The following PRUNE1 variants were observed in gnomAD, a reference collection of about 807,000 sequenced individuals.
PRUNE1 encodes prune exopolyphosphatase 1.
In PRUNE1, 25 loss-of-function variants were observed where a neutral mutation model predicts 42.5. The observed-to-expected ratio is 0.59, with a 90% CI of 0.43 to 0.82. PRUNE1 has a LOEUF of 0.82. PRUNE1 is among the 40% of genes least tolerant of loss of function. The pLI, the probability that PRUNE1 is intolerant of heterozygous loss-of-function variation, is 0.00. For missense variants in PRUNE1, 443 were observed against 539.3 expected, an observed-to-expected ratio of 0.82 and a Z score of 1.77; for synonymous variants, 203 against 217.1, an observed-to-expected ratio of 0.93 and a Z score of 0.57.
At position 151,016,932 on chromosome 1, in the gene PRUNE1, G is replaced by A. The variant is rs587626360; in HGVS notation, c.40-880G>A. On this transcript the variant is annotated intron_variant, in intron 1 of 7. Transcript: ENST00000271620. ...TCCCAGCACTTTGGGAGGCCAAGGC[G>A]GGCGGATCACCTGAGGTCGGGAGTT... 6.6e-5 allele frequency among the ~76,000 whole-genome samples: 10 copies of A among 151,084 alleles called. No individual in the cohort carries two copies. In the South Asian group the frequency reaches 2.1e-3, roughly 32 times the overall value.
intron 1 of PRUNE1, among the ~76,000 whole-genome samples, chr1:151,014,911 G>T (rs1366986993): frequency 1.3e-5 from 2 of 152,212 alleles, no homozygotes; most frequent in Admixed American, 1.3e-4. Flanking sequence ...GAATTATCCG[G>T]CTGGGCATGG....
chr1:151,029,924 C>T (rs1047293502), intron 7 of PRUNE1, among the ~76,000 whole-genome samples: 2 of 152,136 alleles, frequency 1.3e-5, no homozygotes, highest in Non-Finnish European at 2.9e-5. Context: ...CTTCCTCCCC[C>T]TTCTGTTCCT....
intron 2 of PRUNE1, 93 bp downstream of exon 2, chr1:151,017,997 C>A (rs377295306): frequency 2.5e-6 from 2 of 789,046 alleles, no homozygotes; most frequent in Admixed American, 2.3e-5. Context: ...CAGCATTTAG[C>A]ATTGGGTAAA....
At chr1:151,031,194 T>TGTG (rs1383919694) in intron 7 of PRUNE1, among the ~76,000 whole-genome samples, 1,330 of 125,534 alleles carry the variant, frequency 0.011, 32 homozygotes, top group African/African-American at 0.042. Flanking sequence ...TGTGTGTGTG[T>TGTG]TTTTTTTTTT....
At chr1:151,030,262 C>CAAAA (rs779376441) in intron 7 of PRUNE1, among the ~76,000 whole-genome samples, 1 of 86,074 alleles carries the variant, frequency 1.2e-5, no homozygotes, top group Non-Finnish European at 2.6e-5. Flanking sequence ...ACTCCGTCTC[C>CAAAA]AAAAAAAAAA....
At chr1:151,011,524 G>T (rs1173257134) in intron 1 of PRUNE1, among the ~76,000 whole-genome samples, 1 of 152,104 alleles carries the variant, frequency 6.6e-6, no homozygotes, top group Admixed American at 6.6e-5. Context: ...TGCAGTCCTG[G>T]CATCAGTATT....
In PRUNE1 at chr1:151,009,071, C is replaced by G. The variant is rs587640277; in HGVS notation, c.39+400C>G. Among the ~76,000 whole-genome samples the G allele has an allele frequency of 3.9e-5, 6 of 152,262 alleles. No individual in the cohort carries two copies. In the South Asian group the frequency reaches 1.0e-3, roughly 26 times the overall value. On this transcript the variant is annotated intron_variant, in intron 1 of 7. Coordinates refer to ENST00000271620, the MANE Select transcript of PRUNE1 (RefSeq NM_021222.3). ...TCCCCGCCCCTCTTTGAGTTCTCCG[C>G]TCCCAAGGCTTCGCTTGGCCCACTG...
At chr1:151,029,012 A>G (rs1230700770) in intron 7 of PRUNE1, 68 bp downstream of exon 7, 1 of 1,484,486 alleles carries the variant, frequency 6.7e-7, no homozygotes, top group African/African-American at 1.4e-5. Context: ...TCTGTGCTCT[A>G]CAGCTGTCCT....
intron 3 of PRUNE1, among the ~76,000 whole-genome samples, chr1:151,020,843 A>T (rs1269172001): frequency 6.6e-6 from 1 of 151,774 alleles, no homozygotes; most frequent in South Asian, 2.1e-4. Context: ...TTAGCCGGGC[A>T]TGGTGGCGGA....
chr1:151,015,700 A>G (rs1049916117), intron 1 of PRUNE1, among the ~76,000 whole-genome samples: 1 of 150,424 alleles, frequency 6.6e-6, no homozygotes, highest in Non-Finnish European at 1.5e-5. Context: ...GCTACTCAGG[A>G]GGCTGAGATG....
intron 3 of PRUNE1, among the ~76,000 whole-genome samples, chr1:151,020,178 G>A (rs1476380728): frequency 7.0e-6 from 1 of 143,536 alleles, no homozygotes; most frequent in Non-Finnish European, 1.5e-5. Flanking sequence ...GCTCACGCCT[G>A]TAATCCCAGC....
intron 3 of PRUNE1, among the ~76,000 whole-genome samples, chr1:151,019,645 T>A (rs1674302157): frequency 6.6e-6 from 1 of 151,708 alleles, no homozygotes; most frequent in South Asian, 2.1e-4. Context: ...ATTTTTTTAC[T>A]TATTATTTAT....
intron 4 of PRUNE1, 150 bp from the exon 5 acceptor site, chr1:151,025,365 C>T (rs1180939684): frequency 2.8e-6 from 2 of 726,394 alleles, no homozygotes; most frequent in African/African-American, 3.7e-5. Context: ...TCTGAGGACA[C>T]TGTCCATCCC....
At chr1:151,010,208 C>T (rs1428010056) in intron 1 of PRUNE1, among the ~76,000 whole-genome samples, 1 of 151,920 alleles carries the variant, frequency 6.6e-6, no homozygotes, top group African/African-American at 2.4e-5. Flanking sequence ...CTCAGCCTCC[C>T]GAAAAAGCTG....
At chr1:151,020,865 C>G (rs1674379021) in intron 3 of PRUNE1, among the ~76,000 whole-genome samples, 1 of 151,834 alleles carries the variant, frequency 6.6e-6, no homozygotes, top group Non-Finnish European at 1.5e-5. Flanking sequence ...GCCGATAGTC[C>G]CAGCTACTCG....
chr1:151,018,704 G>A (rs970518498), intron 3 of PRUNE1, 35 bp downstream of exon 3: 9 of 1,573,160 alleles, frequency 5.7e-6, no homozygotes, highest in African/African-American at 4.1e-5. Context: ...TACCTATCAT[G>A]TACCATGCTG....
chr1:151,012,022 C>T (rs1673801815), intron 1 of PRUNE1, among the ~76,000 whole-genome samples: 2 of 152,058 alleles, frequency 1.3e-5, no homozygotes, highest in South Asian at 2.1e-4. Context: ...CGTGGTCGGC[C>T]CACCTCGGCC....
Position 151,034,043 on chromosome 1 carries a change from A to G in PRUNE1, c.1171A>G (p.Ser391Gly), listed in dbSNP as rs1558092871. 1.2e-6 allele frequency: 2 copies of G among 1,614,088 alleles called. No homozygotes were observed. Among genetic ancestry groups the G allele is most frequent in the African/African-American group, 2.7e-5 (2 of 74,944 alleles). ...EQVDKELDRA[S>G]NSLISGLSQD... ...AGTGGACAAGGAATTGGACAGGGCA[A>G]GTAACTCCCTGATTTCTGGCCTGAG... The change falls in exon 8 of 8, where the codon AGT becomes GGT. Residue 391 changes from serine (S) to glycine (G), a missense_variant. Transcript: ENST00000271620.
intron 1 of PRUNE1, among the ~76,000 whole-genome samples, chr1:151,010,690 T>C (rs1374786183): frequency 1.7e-4 from 25 of 144,468 alleles, no homozygotes; most frequent in African/African-American, 6.4e-4. Context: ...TTTTTTTTTT[T>C]GAGATAGACT....
Sources: gnomAD v4.1 joint callset for allele counts (sites outside exome capture counted in the v4.1 genomes callset) on GRCh38, gnomAD v4.1.1 for gene constraint, MANE v1.5 for transcripts, NCBI Gene and HGNC (gene_info 2026-07-23, HGNC 2026-07-21) for gene names.